Variants in TMEM212 observed in about 807,000 individuals in gnomAD.
TMEM212 encodes transmembrane protein 212.
A neutral mutation model predicts 20.5 loss-of-function variants in TMEM212; 23 were observed. The ratio of observed to expected loss-of-function variants is 1.12; its 90% confidence interval spans 0.81 to 1.59. The LOEUF is 1.59. Among genes scored for constraint, TMEM212 ranks in the 40% most tolerant of loss-of-function variants. TMEM212 has a pLI of 0.00. For synonymous variants in TMEM212, 76 were observed against 81.6 expected (o/e 0.93, Z 0.37); for missense variants, 211 against 215.0 (o/e 0.98, Z 0.12).
At chr3:171,855,768 T>C (rs1725100253) in intron 3 of TMEM212, among the ~76,000 whole-genome samples, 1 of 152,196 alleles carries the variant, frequency 6.6e-6, no homozygotes, top group Non-Finnish European at 1.5e-5. Flanking sequence ...GTAAATTTAA[T>C]CTCAAAACTC....
intron 2 of TMEM212, 75 bp downstream of exon 2, chr3:171,852,116 A>G: frequency 1.8e-6 from 2 of 1,137,386 alleles, no homozygotes; most frequent in Non-Finnish European, 2.5e-6. Context: ...AGGATGGAAC[A>G]TAAAAAATAT....
At chr3:171,856,939 T>C (rs1157211278) in intron 4 of TMEM212, 3 of 344,700 alleles carry the variant, frequency 8.7e-6, no homozygotes, top group Non-Finnish European at 1.6e-5. Flanking sequence ...TAATTAAACA[T>C]GCTAAATGGG....
At chr3:171,844,821 T>G (rs1724796702) in intron 1 of TMEM212, among the ~76,000 whole-genome samples, 1 of 152,154 alleles carries the variant, frequency 6.6e-6, no homozygotes, top group South Asian at 2.1e-4. Flanking sequence ...AATATAAATT[T>G]TAATCTACTT....
chr3:171,846,349 C>A (rs148099377), intron 1 of TMEM212, among the ~76,000 whole-genome samples: 1 of 152,298 alleles, frequency 6.6e-6, no homozygotes, highest in Non-Finnish European at 1.5e-5. Context: ...ATCTCTGATA[C>A]CCTGCTCTAT....
chr3:171,857,747 G>A (rs1725153248), intron 4 of TMEM212, among the ~76,000 whole-genome samples: 1 of 152,052 alleles, frequency 6.6e-6, no homozygotes, highest in Non-Finnish European at 1.5e-5. Flanking sequence ...TTTTTTCAAA[G>A]AAGACATACA....
In TMEM212 at chr3:171,853,685, T is replaced by C. The variant is rs1725043923; in HGVS notation, c.378T>C (p.Tyr126=). Residue 126 remains tyrosine, a synonymous_variant, in exon 3 of 5, where the codon TAT becomes TAC. Transcript: ENST00000334567. ...TTGGCTATGCAGTTACCTTTCCTTA[T>C]CCATATGCAAAATTCCCATTAGCCT... is the stretch of plus-strand genomic sequence containing the variant. The part of the protein sequence containing the change: ...NYLGYAVTFP[Y]PYAKFPLACV... The C allele has an allele frequency of 2.0e-6, 3 of 1,537,508 alleles. No homozygotes were observed. Among genetic ancestry groups the C allele is most frequent in the Non-Finnish European group, 2.6e-6 (3 of 1,146,934 alleles).
At chr3:171,848,700 C>T (rs557118640) in intron 1 of TMEM212, among the ~76,000 whole-genome samples, 2 of 144,336 alleles carry the variant, frequency 1.4e-5, no homozygotes, top group Non-Finnish European at 3.0e-5. Context: ...TTATATCTGA[C>T]CAAAATTTGT....
intron 1 of TMEM212, among the ~76,000 whole-genome samples, chr3:171,850,424 C>A (rs186326138): frequency 6.6e-6 from 1 of 152,322 alleles, no homozygotes; most frequent in African/African-American, 2.4e-5. Flanking sequence ...ACAGCTCATG[C>A]CAAAGTAGTT....
chr3:171,856,741 C>T (rs528016978), intron 4 of TMEM212, 34 bp downstream of exon 4: 90 of 637,516 alleles, frequency 1.4e-4, no homozygotes, highest in African/African-American at 1.4e-3. Context: ...AGGCCTGGGA[C>T]CAGAATATAA....
Position 171,859,298 on chromosome 3 carries a change from A to AT in TMEM212, c.*1242dup, listed in dbSNP as rs1287902252. ...CATGTACCCTAGAACTTAGAGTATA[A>AT]TAAAAAAAAAGAAAACAGTGTGGAG... On this transcript the variant is annotated 3_prime_UTR_variant, in exon 5 of 5. Coordinates refer to ENST00000334567, the MANE Select transcript of TMEM212 (RefSeq NM_001164436.2). The AT allele has an allele frequency of 1.3e-5, 2 of 152,296 alleles. No individual in the cohort carries two copies. Among genetic ancestry groups the AT allele is most frequent in the East Asian group, 3.9e-4 (2 of 5,180 alleles). The allele number at this position is 152,296 out of a possible 1,614,324, so 9.4% of individuals were successfully genotyped here.
intron 1 of TMEM212, among the ~76,000 whole-genome samples, chr3:171,847,989 A>G (rs899689329): frequency 2.0e-5 from 3 of 152,158 alleles, no homozygotes; most frequent in Admixed American, 6.5e-5. Context: ...TCAATGGTCC[A>G]TTTTTCCACT....
intron 1 of TMEM212, among the ~76,000 whole-genome samples, chr3:171,850,484 G>GT (rs1338707540): frequency 1.3e-5 from 2 of 152,336 alleles, no homozygotes; most frequent in East Asian, 1.9e-4. Context: ...TCTACTCAGA[G>GT]TTAAACCAGC....
At chr3:171,843,848 C>T (rs1020099367) in intron 1 of TMEM212, among the ~76,000 whole-genome samples, 3 of 152,072 alleles carry the variant, frequency 2.0e-5, no homozygotes, top group Admixed American at 6.5e-5. Context: ...AAATTAGAAT[C>T]TTTTGAAATG....
intron 1 of TMEM212, among the ~76,000 whole-genome samples, chr3:171,845,628 A>G (rs1724813247): frequency 6.6e-6 from 1 of 152,238 alleles, no homozygotes; most frequent in Non-Finnish European, 1.5e-5. Flanking sequence ...ATGTGTCTCC[A>G]GCACATAGTT....
At position 171,854,406 on chromosome 3, in the gene TMEM212, T is replaced by C. The variant is rs571669632; in HGVS notation, c.543+556T>C. ...ACAAACAATCCTATTTACAACATCATCAAAAAGAATAAAATACTTAAGATA... is the reference window on the plus strand; with the variant it reads ...ACAAACAATCCTATTTACAACATCACCAAAAAGAATAAAATACTTAAGATA... On this transcript the variant is annotated intron_variant, in intron 3 of 4. Coordinates refer to ENST00000334567, the MANE Select transcript of TMEM212 (RefSeq NM_001164436.2). 6.6e-5 allele frequency among the ~76,000 whole-genome samples: 10 copies of C among 151,996 alleles called. No homozygotes were observed. The East Asian group carries it at 1.7e-3, about 26-fold the overall frequency.
chr3:171,846,037 C>A (rs58233052), intron 1 of TMEM212, among the ~76,000 whole-genome samples: 2 of 152,274 alleles, frequency 1.3e-5, no homozygotes, highest in East Asian at 3.9e-4. Flanking sequence ...CCTACTCCCT[C>A]GTAACCTGCT....
Position 171,852,033 on chromosome 3 carries a change from A to G in TMEM212, c.211A>G (p.Arg71Gly). The change falls in exon 2 of 5, where the codon AGG becomes GGG. Residue 71 changes from arginine (R) to glycine (G), a missense_variant. Coordinates refer to ENST00000334567, the MANE Select transcript of TMEM212 (RefSeq NM_001164436.2). Reference protein sequence around the residue: ...LLLAYREWTQRYLGEATFTFV... With the variant: ...LLLAYREWTQGYLGEATFTFV... ...GTTGGCTTACAGAGAGTGGACCCAG[A>G]GGTACCTGGTAAATATACCGATGCC... is the stretch of plus-strand genomic sequence containing the variant. 6.5e-7 allele frequency: 1 copy of G among 1,536,910 alleles called. No individual in the cohort carries two copies. Among genetic ancestry groups the G allele is most frequent in the South Asian group, 1.2e-5 (1 of 84,064 alleles).
chr3:171,843,746 A>T (rs1176495955), intron 1 of TMEM212, among the ~76,000 whole-genome samples: 2 of 152,230 alleles, frequency 1.3e-5, no homozygotes, highest in Admixed American at 6.5e-5. Context: ...TTTATCATGT[A>T]TACATGTATA....
rs562264176 is a variant in TMEM212 at position 171,858,708 on chromosome 3, A to G, written c.*651A>G. ...AGCTAATATCCAGAATCTACAAAGA[A>G]CTTAAACAAATTTACAAGAAAAAAA... On this transcript the variant is annotated 3_prime_UTR_variant, in exon 5 of 5. Transcript: ENST00000334567. 5.8e-4 allele frequency: 88 copies of G among 152,002 alleles called. No individual in the cohort carries two copies. The highest frequency in any genetic ancestry group is 2.1e-3 in the African/African-American group (85 of 41,250). The allele number at this position is 152,002 out of a possible 1,614,324, so 9.4% of individuals were successfully genotyped here. A position where few individuals can be genotyped will look rare whatever the true frequency, so the allele number is the denominator to read the frequency against.
Sources: gnomAD v4.1 joint callset for allele counts (sites outside exome capture counted in the v4.1 genomes callset) on GRCh38, gnomAD v4.1.1 for gene constraint, MANE v1.5 for transcripts, NCBI Gene and HGNC (gene_info 2026-07-23, HGNC 2026-07-21) for gene names.